The following GPR84 variants were observed in gnomAD, a reference collection of about 807,000 sequenced individuals.
The protein encoded by GPR84 is G protein-coupled receptor 84, also known as G-protein coupled receptor 84.
Under a neutral mutation model 14.9 loss-of-function variants are expected in GPR84, and 8 were observed. The observed-to-expected ratio is 0.54, with a 90% CI of 0.31 to 0.97. The LOEUF (loss-of-function observed/expected upper bound fraction) is 0.97. GPR84 is among the 50% of genes least tolerant of loss of function. GPR84 has a pLI of 0.04. For synonymous variants in GPR84, 164 were observed against 198.1 expected (o/e 0.83, Z 1.45); for missense variants, 424 against 498.7 (o/e 0.85, Z 1.43).
At chr12:54,362,314 A>G (rs1222500249), downstream of GPR84, 2 of 187,222 alleles carry the variant, frequency 1.1e-5, no homozygotes, top group Non-Finnish European at 2.2e-5. This position sits in a 1 kb window ranked among gnomAD's most constrained non-coding sequence, Gnocchi z 4.0. Context: ...CTTTAGGGAT[A>G]TGTGTGAGCA....
chr12:54,363,983 C>T (rs903077390), intron 1 of GPR84, 124 bp from the exon 2 acceptor site: 1 of 594,510 alleles, frequency 1.7e-6, no homozygotes, highest in African/African-American at 1.8e-5. Context: ...AATTCAGTAT[C>T]CTCCTGAACC....
At position 54,362,655 on chromosome 12, in the gene GPR84, A is replaced by G; in HGVS notation, c.*6T>C. 1 of 1,568,872 alleles carries G rather than the reference A, an allele frequency of 6.4e-7. No individual in the cohort carries two copies. The highest frequency in any genetic ancestry group is 1.4e-5 in the African/African-American group (1 of 73,610). ...GTCCTGAATTCTGGTGACTAGGGTC[A>G]CAGTTCTAATGGAGCCTATGGAAAC... On this transcript the variant is annotated 3_prime_UTR_variant, in exon 2 of 2. Coordinates refer to ENST00000267015, the MANE Select transcript of GPR84 (RefSeq NM_020370.3). This position sits in a 1 kb window ranked among gnomAD's most constrained non-coding sequence, Gnocchi z 4.0.
rs1355210417 is a variant in GPR84, at chr12:54,363,215, C to T, written c.637G>A (p.Asp213Asn). The change falls in exon 2 of 2, where the codon GAC becomes AAC. Residue 213 changes from aspartate (D) to asparagine (N), a missense_variant. Physicochemically the swap from Asp to Asn is conservative, Grantham distance 23. Coordinates refer to ENST00000267015, the MANE Select transcript of GPR84 (RefSeq NM_020370.3). ...CTTGCCTGTCGCAACTTGTATTGGT[C>T]CAGTGCCTGTGCTGCTCGTTTGACC... ...RQVKRAAQAL[D>N]QYKLRQASIH... is the part of the protein sequence containing the mutation. The T allele has an allele frequency of 4.3e-6, 7 of 1,614,050 alleles. No homozygotes were observed. Among genetic ancestry groups the T allele is most frequent in the Non-Finnish European group, 5.9e-6 (7 of 1,180,026 alleles).
chr12:54,362,758 A>G lies in GPR84; in HGVS notation c.1094T>C (p.Ile365Thr), dbSNP rs1260078773. The change falls in exon 2 of 2, where the codon ATC (isoleucine) becomes ACC (threonine). Residue 365 changes from isoleucine (I) to threonine (T), a missense_variant. Physicochemically the swap from Ile to Thr is moderately conservative, Grantham distance 89. Coordinates refer to ENST00000267015, the MANE Select transcript of GPR84 (RefSeq NM_020370.3). This position sits in a 1 kb window ranked among gnomAD's most constrained non-coding sequence, Gnocchi z 4.0. ...AANLTWLNGC[I>T]NPVLYAAMNR... ...CATGGCTGCATAGAGCACAGGGTTG[A>G]TGCAACCATTGAGCCAGGTGAGGTT... The G allele has an allele frequency of 6.2e-7, 1 of 1,614,162 alleles. No homozygotes were observed.
the GPR84 span, chr12:54,351,581 A>G: frequency 1.3e-5 from 2 of 152,192 alleles, no homozygotes; most frequent in South Asian, 4.1e-4. Flanking sequence ...GGATTTCCCC[A>G]GGAAGATGGA....
chr12:54,352,930 A>G, the GPR84 span, among the ~76,000 whole-genome samples: 1 of 152,184 alleles, frequency 6.6e-6, no homozygotes, highest in African/African-American at 2.4e-5. Flanking sequence ...GGGAAAAGCA[A>G]TACTCAGCCT....
downstream of GPR84, among the ~76,000 whole-genome samples, chr12:54,357,798 G>C (rs1954224731): frequency 6.6e-6 from 1 of 152,176 alleles, no homozygotes; most frequent in African/African-American, 2.4e-5. Flanking sequence ...CTGAGCTTAA[G>C]GGGACAGGGG....
chr12:54,363,120 C>A lies in GPR84; in HGVS notation c.732G>T (p.Arg244Ser), dbSNP rs1419305160. 1 of 1,614,212 alleles carries A rather than the reference C, an allele frequency of 6.2e-7. No homozygotes were observed. The highest frequency in any genetic ancestry group is 1.1e-5 in the South Asian group (1 of 91,086). Residue 244 changes from arginine to serine, a missense_variant, in exon 2 of 2, where the codon AGG (arginine) becomes AGT (serine). Physicochemically the swap from Arg to Ser is moderately radical, Grantham distance 110 (BLOSUM62 -1). Transcript: ENST00000267015. Reference protein sequence around the residue: ...MPGRFQELDSRLASGGPSEGI... With the variant: ...MPGRFQELDSSLASGGPSEGI... The stretch of plus-strand genomic sequence containing the variant: ...CCTCACTGGGTCCTCCTGATGCTAA[C>A]CTGCTGTCCAGCTCCTGGAAACGAC...
the GPR84 span, among the ~76,000 whole-genome samples, chr12:54,355,382 C>T: frequency 3.3e-5 from 5 of 151,256 alleles, no homozygotes; most frequent in African/African-American, 4.9e-5. Context: ...CAGGGGTCTG[C>T]GGTATGGATA....
the GPR84 span, among the ~76,000 whole-genome samples, chr12:54,356,071 C>G: frequency 6.6e-6 from 1 of 152,158 alleles, no homozygotes; most frequent in Non-Finnish European, 1.5e-5. Flanking sequence ...GGCAATCAGG[C>G]ACCAACTGTT....
chr12:54,358,106 G>T (rs1185920477), downstream of GPR84, among the ~76,000 whole-genome samples: 1 of 152,142 alleles, frequency 6.6e-6, no homozygotes, highest in Non-Finnish European at 1.5e-5. Context: ...GCACCCCCCA[G>T]TGGACCCTTA....
the GPR84 span, among the ~76,000 whole-genome samples, chr12:54,352,048 G>A: frequency 6.6e-6 from 1 of 152,098 alleles, no homozygotes; most frequent in African/African-American, 2.4e-5. Context: ...ATTGGCGCCA[G>A]GGGTGGGGTG....
In GPR84 at chr12:54,363,585, A is replaced by T. The variant is rs1288116932; in HGVS notation, c.267T>A (p.Gly89=). The stretch of plus-strand genomic sequence containing the variant: ...GCCCAAATACCCTGCAGAAGGTGGC[A>T]CCGGTGCGCCAGTGCAGGTGGAGGT... ...DTYLHLHWRT[G]ATFCRVFGLL... The change falls in exon 2 of 2, where the codon GGT becomes GGA. Residue 89 remains glycine (G), a synonymous_variant. Coordinates refer to ENST00000267015, the MANE Select transcript of GPR84 (RefSeq NM_020370.3). The T allele has an allele frequency of 6.2e-7, 1 of 1,614,110 alleles. No homozygotes were observed. The highest frequency in any genetic ancestry group is 8.5e-7 in the Non-Finnish European group (1 of 1,179,964).
downstream of GPR84, among the ~76,000 whole-genome samples, chr12:54,361,837 C>A (rs1178845344): frequency 2.6e-5 from 4 of 152,246 alleles, no homozygotes; most frequent in Non-Finnish European, 5.9e-5. This position sits in a 1 kb window ranked among gnomAD's most constrained non-coding sequence, Gnocchi z 4.3. Flanking sequence ...GTCCAGATGA[C>A]AAATGCAAGG....
At position 54,363,705 on chromosome 12, in the gene GPR84, G is replaced by A. The variant is rs200972670; in HGVS notation, c.147C>T (p.Pro49=). 6.2e-7 allele frequency: 1 copy of A among 1,614,056 alleles called. No homozygotes were observed. Among genetic ancestry groups the A allele is most frequent in the African/African-American group, 1.3e-5 (1 of 75,026 alleles). ...VLTLLALAIQ[P]KLRTRFNLLI... is the part of the protein sequence containing the mutation. The stretch of plus-strand genomic sequence containing the variant: ...GCAGGTTGAATCGGGTACGGAGCTT[G>A]GGCTGGATGGCCAAGGCCAGTAGGG... Residue 49 remains proline, a synonymous_variant, in exon 2 of 2, where the codon CCC becomes CCT. Transcript: ENST00000267015.
Position 54,363,150 on chromosome 12 carries a change from C to T in GPR84, c.702G>A (p.Met234Ile), listed in dbSNP as rs761435776. 6.2e-7 allele frequency: 1 copy of T among 1,614,206 alleles called. No homozygotes were observed. Among genetic ancestry groups the T allele is most frequent in the South Asian group, 1.1e-5 (1 of 91,084 alleles). Residue 234 changes from methionine (M) to isoleucine (I), a missense_variant, in exon 2 of 2, where the codon ATG becomes ATA. By Grantham distance (10) the Met-to-Ile change is conservative (BLOSUM62 1). Transcript: ENST00000267015. The part of the protein sequence containing the change: ...SNHVARTDEA[M>I]PGRFQELDSR... ...TGTCCAGCTCCTGGAAACGACCAGG[C>T]ATGGCCTCATCAGTCCTGGCCACAT...
the GPR84 span, among the ~76,000 whole-genome samples, chr12:54,352,134 C>T: frequency 2.0e-5 from 3 of 152,204 alleles, no homozygotes; most frequent in Admixed American, 1.3e-4. Flanking sequence ...GCTGCCTGCT[C>T]CCGCCTCAGC....
chr12:54,360,227 ATTAC>A (rs1044026602), downstream of GPR84, among the ~76,000 whole-genome samples: 1 of 152,316 alleles, frequency 6.6e-6, no homozygotes, highest in African/African-American at 2.4e-5. Flanking sequence ...CCTTGGACAA[ATTAC>A]TTAACCTATT....
chr12:54,350,708 T>C, the GPR84 span: 2 of 607,912 alleles, frequency 3.3e-6, no homozygotes, highest in Non-Finnish European at 5.9e-6. Flanking sequence ...TTTTTCATTC[T>C]TCTTGCAGTT....
Sources: allele counts gnomAD v4.1 joint callset (sites outside exome capture counted in the v4.1 genomes callset), GRCh38; gene constraint gnomAD v4.1.1; non-coding constraint Gnocchi (gnomAD v3.1); transcripts MANE v1.5; gene names NCBI Gene and HGNC (gene_info 2026-07-23, HGNC 2026-07-21).